The following FRY variants were observed in gnomAD, a reference collection of about 807,000 sequenced individuals.
FRY encodes protein furry homolog.
In FRY, 128 loss-of-function variants were observed where a neutral mutation model predicts 348.4. The ratio of observed to expected loss-of-function variants is 0.37; its 90% CI spans 0.32 to 0.43. The LOEUF (loss-of-function observed/expected upper bound fraction) is 0.43, where lower values mean the gene tolerates loss of function less well. Ranked by LOEUF, FRY falls within the 20% of genes least tolerant of loss-of-function variation. The pLI is 1.00. For synonymous variants in FRY, 1,370 were observed against 1,374.7 expected (o/e 1.00, Z 0.08); for missense variants, 2,736 against 3,695.2 (o/e 0.74, Z 6.73).
chr13:32,077,940 C>T (rs1020793052), intron 1 of FRY, among the ~76,000 whole-genome samples: 15 of 152,158 alleles, frequency 9.9e-5, no homozygotes, highest in Non-Finnish European at 1.9e-4. Context: ...CTTGCTCTTA[C>T]GTTTCTTTCA....
At chr13:32,133,470 C>A (rs1879496045) in intron 8 of FRY, among the ~76,000 whole-genome samples, 1 of 152,098 alleles carries the variant, frequency 6.6e-6, no homozygotes, top group South Asian at 2.1e-4. Context: ...TATCTATATA[C>A]ATGAATTAAG....
At chr13:32,058,795 T>C (rs184301836) in intron 1 of FRY, among the ~76,000 whole-genome samples, 343 of 152,316 alleles carry the variant, frequency 2.3e-3, no homozygotes, top group African/African-American at 7.7e-3. Flanking sequence ...AAAATATGTA[T>C]ACATTATTTG....
At chr13:32,050,154 A>T (rs980793765) in intron 1 of FRY, among the ~76,000 whole-genome samples, 1 of 152,228 alleles carries the variant, frequency 6.6e-6, no homozygotes, top group African/African-American at 2.4e-5. Flanking sequence ...TCAAGGAAAC[A>T]CACATTTTAG....
chr13:32,061,259 G>C (rs1593570840), intron 1 of FRY: 1 of 476,798 alleles, frequency 2.1e-6, no homozygotes, highest in East Asian at 6.3e-5. Context: ...GCGGATGGGG[G>C]TGGAGGTAGC....
At chr13:32,233,664 C>T (rs1404986999) in intron 41 of FRY, among the ~76,000 whole-genome samples, 1 of 152,142 alleles carries the variant, frequency 6.6e-6, no homozygotes, top group African/African-American at 2.4e-5. Flanking sequence ...CTGAAATTTC[C>T]TCTACTCTAA....
At chr13:32,094,539 A>G (rs768478484) in intron 2 of FRY, among the ~76,000 whole-genome samples, 4 of 151,874 alleles carry the variant, frequency 2.6e-5, no homozygotes, top group African/African-American at 4.8e-5. Context: ...CCTCTAATAA[A>G]CATCCTTCTA....
intron 35 of FRY, among the ~76,000 whole-genome samples, chr13:32,214,079 T>C (rs1283382629): frequency 6.6e-6 from 1 of 152,274 alleles, no homozygotes; most frequent in Middle Eastern, 3.2e-3. Context: ...AACATATGTC[T>C]ATGAATATGC....
At position 32,234,685 on chromosome 13, in the gene FRY, C is replaced by G; in HGVS notation, c.5639C>G (p.Pro1880Arg). The G allele has an allele frequency of 6.2e-7, 1 of 1,614,082 alleles. No homozygotes were observed. The highest frequency in any genetic ancestry group is 8.5e-7 in the Non-Finnish European group (1 of 1,179,994). Reference protein sequence around the residue: ...SFQIFRALKQPLSAHALSDLL... With the variant: ...SFQIFRALKQRLSAHALSDLL... ...CAGATATTCCGGGCCCTCAAGCAACCTCTGTCAGCACATGCCTTATCTGAC... is the reference window on the plus strand; with the variant it reads ...CAGATATTCCGGGCCCTCAAGCAACGTCTGTCAGCACATGCCTTATCTGAC... Residue 1880 changes from proline (P) to arginine (R), a missense_variant, in exon 42 of 61, where the codon CCT (proline) becomes CGT (arginine). Physicochemically the swap from Pro to Arg is moderately radical, Grantham distance 103. Transcript: ENST00000542859.
At chr13:32,291,022 C>T (rs1271401430) in intron 59 of FRY, among the ~76,000 whole-genome samples, 2 of 152,034 alleles carry the variant, frequency 1.3e-5, no homozygotes, top group East Asian at 1.9e-4. Context: ...GGCGACTGAC[C>T]TCTTGCAGGT....
rs117970379 is a variant in FRY, at chr13:32,046,508, G to A, written c.70+14643G>A. Among the ~76,000 whole-genome samples the A allele has an allele frequency of 1.0e-3, 155 of 152,300 alleles. 1 individual carries two copies. Among genetic ancestry groups the A allele is most frequent in the Non-Finnish European group, 1.8e-3 (123 of 68,012 alleles). ...AAGTTAACACAGTCTGGAAGAGTCA[G>A]CCAGGAGTATCAGCCCGTTTGTGTT... is the stretch of plus-strand genomic sequence containing the variant. On this transcript the variant is annotated intron_variant, in intron 1 of 60. Transcript: ENST00000542859.
chr13:32,211,635 T>A (rs990493997), intron 34 of FRY, among the ~76,000 whole-genome samples: 2 of 152,170 alleles, frequency 1.3e-5, no homozygotes, highest in Non-Finnish European at 2.9e-5. Flanking sequence ...CCCCTTCTTG[T>A]ATCTGGACCC....
At chr13:32,165,134 C>T (rs1224771005) in intron 17 of FRY, among the ~76,000 whole-genome samples, 1 of 152,064 alleles carries the variant, frequency 6.6e-6, no homozygotes, top group Non-Finnish European at 1.5e-5. Flanking sequence ...TCTGATTGCC[C>T]AAATTTATAG....
intron 59 of FRY, among the ~76,000 whole-genome samples, chr13:32,292,194 G>T (rs1459403604): frequency 6.6e-6 from 1 of 151,914 alleles, no homozygotes; most frequent in Admixed American, 6.6e-5. Context: ...TGTTAGTCAG[G>T]CTGGTCTCGA....
At chr13:32,131,991 A>G (rs1254645574) in intron 8 of FRY, 151 bp downstream of exon 8, 7 of 718,772 alleles carry the variant, frequency 9.7e-6, no homozygotes, top group South Asian at 7.5e-5. Context: ...TTGTAACCAA[A>G]TAGTACAGTT....
In FRY at chr13:32,228,472, G is replaced by A. The variant is rs749218388; in HGVS notation, c.5223G>A (p.Leu1741=). ...TCCCACCAGGTGGCTTTGACTTCCT[G>A]AGAGAGGACCAGTCATCCCCGGTGC... ...EYLYTGGFDF[L]REDQSSPVPD... is the part of the protein sequence containing the mutation. The change falls in exon 40 of 61, where the codon CTG becomes CTA. Residue 1741 remains leucine, a synonymous_variant. Transcript: ENST00000542859. 49 of 1,612,264 alleles carry A rather than the reference G, an allele frequency of 3.0e-5. No homozygotes were observed. Among genetic ancestry groups the A allele is most frequent in the Non-Finnish European group, 4.1e-5 (48 of 1,179,754 alleles).
intron 58 of FRY, among the ~76,000 whole-genome samples, chr13:32,280,917 G>A (rs1888779004): frequency 6.6e-6 from 1 of 152,136 alleles, no homozygotes; most frequent in African/African-American, 2.4e-5. Flanking sequence ...TTTCTATTAA[G>A]TTGTTTTACT....
At chr13:32,192,038 TC>T (rs1883367081) in intron 28 of FRY, among the ~76,000 whole-genome samples, 3 of 152,220 alleles carry the variant, frequency 2.0e-5, no homozygotes, top group African/African-American at 7.2e-5. Context: ...GATAGTGGTT[TC>T]TCCTGGGTAG....
At chr13:32,144,137 T>C (rs1450690151) in intron 11 of FRY, among the ~76,000 whole-genome samples, 1 of 151,848 alleles carries the variant, frequency 6.6e-6, no homozygotes, top group African/African-American at 2.4e-5. Flanking sequence ...GCAGCTTTAC[T>C]AGTTTCAAGT....
intron 3 of FRY, among the ~76,000 whole-genome samples, chr13:32,116,838 G>A (rs176059): frequency 0.45 from 68,784 of 151,776 alleles, 16,264 homozygotes; most frequent in South Asian, 0.66. Context: ...TCTAATTTGG[G>A]GCATACTTCA....
Sources: gnomAD v4.1 joint callset for allele counts (sites outside exome capture counted in the v4.1 genomes callset) on GRCh38, gnomAD v4.1.1 for gene constraint, MANE v1.5 for transcripts, NCBI Gene and HGNC (gene_info 2026-07-23, HGNC 2026-07-21) for gene names.